The following PCDHGA6 variants were observed in gnomAD, a reference collection of about 807,000 sequenced individuals.
The protein encoded by PCDHGA6 is protocadherin gamma subfamily A, 6.
A neutral mutation model predicts 60.6 loss-of-function variants in PCDHGA6; 41 were observed. The observed-to-expected ratio is 0.68, with a 90% confidence interval of 0.53 to 0.88. The LOEUF is 0.88. Among genes scored for constraint, PCDHGA6 ranks in the 40% least tolerant of loss-of-function variants. The pLI is 0.00. For missense variants in PCDHGA6, 1,312 were observed against 1,203.0 expected, an observed-to-expected ratio of 1.09 and a Z score of -1.34; for synonymous variants, 594 against 524.4, an observed-to-expected ratio of 1.13 and a Z score of -1.81.
In PCDHGA6 at chr5:141,486,005, A is replaced by G. The variant is rs1057476811; in HGVS notation, c.2425-8802A>G. On this transcript the variant is annotated intron_variant, in intron 1 of 3. Transcript: ENST00000517434. This position sits in a 1 kb window ranked among gnomAD's most constrained non-coding sequence, Gnocchi z 5.0. Reference sequence around the variant, plus strand: ...GGACCTGGGTCCCAGTGGTAACGTCACCTTTTATTTCAGTGGTCATACCCC... The same window carrying G: ...GGACCTGGGTCCCAGTGGTAACGTCGCCTTTTATTTCAGTGGTCATACCCC... 1.9e-6 allele frequency: 3 copies of G among 1,613,936 alleles called. No homozygotes were observed. The Admixed American group carries it at 5.0e-5, about 27-fold the overall frequency.
chr5:141,510,272 TAAAA>T (rs546154379), intron 3 of PCDHGA6, among the ~76,000 whole-genome samples: 1 of 130,390 alleles, frequency 7.7e-6, no homozygotes, highest in East Asian at 2.2e-4. Context: ...GACTCCATCT[TAAAA>T]AAAAAAAAAA....
intron 1 of PCDHGA6, chr5:141,433,307 C>T (rs982853368): frequency 2.2e-6 from 2 of 913,640 alleles, no homozygotes; most frequent in Admixed American, 2.7e-5. Context: ...AATTATCCCA[C>T]CTTTGCCTCC....
chr5:141,462,782 T>C (rs1397671639), intron 1 of PCDHGA6, among the ~76,000 whole-genome samples: 1 of 152,220 alleles, frequency 6.6e-6, no homozygotes, highest in Non-Finnish European at 1.5e-5. Flanking sequence ...TCATAATTTG[T>C]TGCTTATTTG....
chr5:141,383,492 G>T (rs1012277194), intron 1 of PCDHGA6: 11 of 1,613,178 alleles, frequency 6.8e-6, no homozygotes, highest in Non-Finnish European at 9.3e-6. Context: ...GTGCTGGAGC[G>T]GGTGCTGGAC....
At chr5:141,421,895 G>C in intron 1 of PCDHGA6, 1 of 1,613,730 alleles carries the variant, frequency 6.2e-7, no homozygotes, top group Non-Finnish European at 8.5e-7. Context: ...GATCCCATCC[G>C]AAAGGGCGCA....
chr5:141,446,130 CTT>C (rs1191897284), intron 1 of PCDHGA6, among the ~76,000 whole-genome samples: 2 of 152,076 alleles, frequency 1.3e-5, no homozygotes, highest in African/African-American at 4.8e-5. Context: ...TTCAATAAGA[CTT>C]AATAATGGAA....
At chr5:141,412,936 A>T in intron 1 of PCDHGA6, 1 of 459,508 alleles carries the variant, frequency 2.2e-6, no homozygotes, top group African/African-American at 2.0e-5. Flanking sequence ...ACTTCTTAGG[A>T]CTCTGAGCGC....
chr5:141,429,450 A>G (rs1326036711), intron 1 of PCDHGA6, among the ~76,000 whole-genome samples: 1 of 152,114 alleles, frequency 6.6e-6, no homozygotes, highest in East Asian at 1.9e-4. Context: ...CTTGGGCTAC[A>G]GTAATCCTCC....
At chr5:141,402,284 T>C (rs2150926780) in intron 1 of PCDHGA6, among the ~76,000 whole-genome samples, 1 of 152,054 alleles carries the variant, frequency 6.6e-6, no homozygotes, top group African/African-American at 2.4e-5. Context: ...GGATAATCTA[T>C]CCTTATATAT....
intron 1 of PCDHGA6, chr5:141,409,924 C>A (rs760490649): frequency 6.2e-7 from 1 of 1,613,416 alleles, no homozygotes; most frequent in Admixed American, 1.7e-5. Flanking sequence ...GCTCCGCGTT[C>A]TTCGATATGG....
At position 141,375,736 on chromosome 5, in the gene PCDHGA6, T is replaced by C. The variant is rs1771819108; in HGVS notation, c.1653T>C (p.Phe551=). 2 of 1,614,242 alleles carry C rather than the reference T, an allele frequency of 1.2e-6. No homozygotes were observed. The highest frequency in any genetic ancestry group is 2.2e-5 in the East Asian group (1 of 44,888). The part of the protein sequence containing the change: ...PLSSNVSLSL[F]VLDQNDNAPE... Reference sequence around the variant, plus strand: ...GCAGCAACGTGTCACTGAGCCTGTTTGTGCTGGACCAGAATGACAATGCGC... The same window carrying C: ...GCAGCAACGTGTCACTGAGCCTGTTCGTGCTGGACCAGAATGACAATGCGC... Residue 551 remains phenylalanine (F), a synonymous_variant, in exon 1 of 4, where the codon TTT becomes TTC. Transcript: ENST00000517434.
chr5:141,394,560 G>GGGCT, intron 1 of PCDHGA6: 2 of 1,614,118 alleles, frequency 1.2e-6, no homozygotes, highest in Non-Finnish European at 1.7e-6. Flanking sequence ...CCGCTCCGCA[G>GGGCT]AGCGTGGCTA....
At chr5:141,478,535 C>G (rs1359742091) in intron 1 of PCDHGA6, 1 of 1,607,794 alleles carries the variant, frequency 6.2e-7, no homozygotes, top group Non-Finnish European at 8.5e-7. Flanking sequence ...AGAGAGCGCC[C>G]CTCCCGGACA....
intron 1 of PCDHGA6, chr5:141,419,566 C>G: frequency 3.1e-6 from 5 of 1,611,792 alleles, no homozygotes; most frequent in Non-Finnish European, 2.5e-6. Context: ...CGCTGGGTCC[C>G]GACGGCTCCG....
chr5:141,376,187 T>C lies in PCDHGA6; in HGVS notation c.2104T>C (p.Cys702Arg). ...YLVVAVAAVS[C>R]VFLAFVIVLL... ...GGTGGTGGCGGTGGCCGCGGTCTCC[T>C]GCGTCTTCCTGGCCTTCGTCATCGT... is the stretch of plus-strand genomic sequence containing the variant. Residue 702 changes from cysteine (C) to arginine (R), a missense_variant, in exon 1 of 4, where the codon TGC becomes CGC. By Grantham distance (180) the Cys-to-Arg change is radical (BLOSUM62 -3). Transcript: ENST00000517434. 3 of 1,614,148 alleles carry C rather than the reference T, an allele frequency of 1.9e-6. No individual in the cohort carries two copies. Among genetic ancestry groups the C allele is most frequent in the Non-Finnish European group, 2.5e-6 (3 of 1,180,024 alleles).
chr5:141,431,974 CA>C lies in PCDHGA6; in HGVS notation c.2424+55468del, dbSNP rs1419355804. The C allele has an allele frequency of 1.2e-6, 2 of 1,614,174 alleles. No individual in the cohort carries two copies. The highest frequency in any genetic ancestry group is 1.3e-5 in the African/African-American group (1 of 75,058). On this transcript the variant is annotated intron_variant, in intron 1 of 3. Transcript: ENST00000517434. This position sits in a 1 kb window ranked among gnomAD's most constrained non-coding sequence, Gnocchi z 4.8. ...CTTACGGAAATTACTATAGTTTAGT[CA>C]CAGACATAGTCTTGGATAGGGAACA... is the stretch of plus-strand genomic sequence containing the variant.
chr5:141,383,736 T>C (rs1388139242), intron 1 of PCDHGA6: 1 of 1,614,002 alleles, frequency 6.2e-7, no homozygotes, highest in Non-Finnish European at 8.5e-7. Context: ...AAGTGACATA[T>C]TCTTTTCGGA....
intron 1 of PCDHGA6, chr5:141,427,278 A>G (rs981860450): frequency 2.2e-6 from 1 of 456,706 alleles, no homozygotes; most frequent in Non-Finnish European, 4.4e-6. Context: ...ATGTAAAATT[A>G]TACTAGAAAT....
intron 1 of PCDHGA6, among the ~76,000 whole-genome samples, chr5:141,452,835 C>A (rs2098750110): frequency 6.6e-6 from 1 of 152,154 alleles, no homozygotes; most frequent in Admixed American, 6.5e-5. Flanking sequence ...TCACTTGGTC[C>A]AGCCCACACT....
Sources: allele counts gnomAD v4.1 joint callset (sites outside exome capture counted in the v4.1 genomes callset), GRCh38; gene constraint gnomAD v4.1.1; non-coding constraint Gnocchi (gnomAD v3.1); transcripts MANE v1.5; gene names NCBI Gene and HGNC (gene_info 2026-07-23, HGNC 2026-07-21).